PTBP1: variants seen among roughly 807,000 people sequenced by gnomAD.
PTBP1 encodes the protein polypyrimidine tract-binding protein 1.
In PTBP1, 8 loss-of-function variants were observed where a neutral mutation model predicts 59.8. That is an observed-to-expected ratio of 0.13 (90% CI 0.08 to 0.24). PTBP1 has a LOEUF of 0.24. Among genes scored for constraint, PTBP1 ranks in the 10% least tolerant of loss-of-function variants. PTBP1 has a pLI of 1.00. For synonymous variants in PTBP1, 490 were observed against 320.7 expected (o/e 1.53, Z -5.64); for missense variants, 686 against 767.0 (o/e 0.89, Z 1.25).
At chr19:806,202 T>G (rs1383906236) in intron 9 of PTBP1, 16 of 510,844 alleles carry the variant, frequency 3.1e-5, no homozygotes, top group Non-Finnish European at 5.4e-5. Context: ...GCCCGTGCTG[T>G]GAGGAGAGGC....
intron 2 of PTBP1, 108 bp from the exon 3 acceptor site, chr19:803,453 G>C: frequency 1.1e-6 from 1 of 872,840 alleles, no homozygotes; most frequent in Non-Finnish European, 1.9e-6. Flanking sequence ...GGTATGGGTT[G>C]GGGGTCTGGG....
chr19:797,466 A>G lies in PTBP1; in HGVS notation c.-32A>G, dbSNP rs753578445. ...CGGTTCCTGCTATTCCGGCGCCTCC[A>G]CTCCGTCCCCCGCGGGTCTGCTCTG... On this transcript the variant is annotated 5_prime_UTR_variant, in exon 1 of 15. Coordinates refer to ENST00000356948, the MANE Select transcript of PTBP1 (RefSeq NM_002819.5). The G allele has an allele frequency of 1.3e-6, 2 of 1,595,654 alleles. No individual in the cohort carries two copies. Among genetic ancestry groups the G allele is most frequent in the East Asian group, 2.3e-5 (1 of 43,618 alleles).
At chr19:809,625 C>A (rs2145034637) in intron 13 of PTBP1, among the ~76,000 whole-genome samples, 1 of 152,278 alleles carries the variant, frequency 6.6e-6, no homozygotes, top group South Asian at 2.1e-4. Context: ...TGGCCTAATG[C>A]ACACCTTTAT....
intron 10 of PTBP1, chr19:807,551 C>A: frequency 2.7e-6 from 1 of 372,208 alleles, no homozygotes. Context: ...TTTCTTTTCT[C>A]CCCTTCCCCT....
At position 811,562 on chromosome 19, in the gene PTBP1, T is replaced by TTA. The variant is rs1332234644; in HGVS notation, c.*736_*737insTA. On this transcript the variant is annotated 3_prime_UTR_variant, in exon 15 of 15. Coordinates refer to ENST00000356948, the MANE Select transcript of PTBP1 (RefSeq NM_002819.5). ...AACTTTTTATAGCAAGATGATACAA[T>TTA]GGTATGAGTGTAATCTAAACTTCCT... 6.6e-6 allele frequency: 1 copy of TTA among 152,456 alleles called. No homozygotes were observed. Among genetic ancestry groups the TTA allele is most frequent in the Admixed American group, 6.5e-5 (1 of 15,286 alleles). 9.4% of individuals were successfully genotyped at this position (152,456 alleles called of 1,614,324 possible).
chr19:808,213 G>T lies in PTBP1; in HGVS notation c.1154-147G>T. The T allele has an allele frequency of 1.4e-6, 1 of 699,016 alleles. No homozygotes were observed. 43.3% of individuals were successfully genotyped at this position (699,016 alleles called of 1,614,324 possible). A position where few individuals can be genotyped will look rare whatever the true frequency, so the allele number is the denominator to read the frequency against. ...GCTGCTCCTGTTAGCGCGCCCTGTG[G>T]CTGCGAGACGCAGCTCCGCAGTGGC... On this transcript the variant is annotated intron_variant, in intron 11 of 14. Transcript: ENST00000356948. This position sits in a 1 kb window ranked among gnomAD's most constrained non-coding sequence, Gnocchi z 4.7.
Position 805,021 on chromosome 19 carries a change from C to T in PTBP1, c.726C>T (p.Asp242=), listed in dbSNP as rs754600468. 35 of 1,613,462 alleles carry T rather than the reference C, an allele frequency of 2.2e-5. No individual in the cohort carries two copies. The highest frequency in any genetic ancestry group is 2.1e-4 in the African/African-American group (16 of 74,906). ...VSAQHAKLSL[D]GQNIYNACCT... Reference sequence around the variant, plus strand: ...GGTCCCTCTCCCCTCAGTCGCTGGACGGGCAGAACATCTACAACGCCTGCT... The same window carrying T: ...GGTCCCTCTCCCCTCAGTCGCTGGATGGGCAGAACATCTACAACGCCTGCT... Residue 242 remains aspartate, a synonymous_variant, in exon 8 of 15, where the codon GAC becomes GAT. Coordinates refer to ENST00000356948, the MANE Select transcript of PTBP1 (RefSeq NM_002819.5).
rs1309724516 is a variant in PTBP1, at chr19:804,474, G to T, written c.435+36G>T. On this transcript the variant is annotated intron_variant, in intron 5 of 14. Transcript: ENST00000356948. ...CCGCGGCGGACCCCAGCAGCCCGGG[G>T]ACCTCGGGGGTGGGCCCAGCCGCAG... The T allele has an allele frequency of 1.9e-6, 3 of 1,598,404 alleles. No homozygotes were observed. The African/African-American group carries it at 4.0e-5, about 21-fold the overall frequency.
At chr19:800,282 C>T (rs1319492569) in intron 2 of PTBP1, among the ~76,000 whole-genome samples, 1 of 151,954 alleles carries the variant, frequency 6.6e-6, no homozygotes, top group African/African-American at 2.4e-5. Flanking sequence ...AGCAAACTGT[C>T]AAAGGTGGTG....
intron 2 of PTBP1, among the ~76,000 whole-genome samples, chr19:801,597 T>TG (rs1322076863): frequency 6.6e-6 from 1 of 152,200 alleles, no homozygotes; most frequent in African/African-American, 2.4e-5. Context: ...CTCTCCAGCT[T>TG]GGGGGAGGAC....
chr19:806,906 C>T (rs780796505), intron 10 of PTBP1: 1 of 199,394 alleles, frequency 5.0e-6, no homozygotes, highest in Non-Finnish European at 1.0e-5. Context: ...GTTAGCGCGG[C>T]GGGGTGTGGG....
Position 808,485 on chromosome 19 carries a change from G to T in PTBP1, c.1246+33G>T. ...GCCGGGGCGGCCCCGGGGTGGAGGG[G>T]GCAGGGGCGGGGGCTGCGTTCCCTC... is the stretch of plus-strand genomic sequence containing the variant. On this transcript the variant is annotated intron_variant, in intron 12 of 14. Coordinates refer to ENST00000356948, the MANE Select transcript of PTBP1 (RefSeq NM_002819.5). The surrounding 1 kb of genome is among the most constrained non-coding windows in gnomAD (Gnocchi z 4.7). 3.2e-6 allele frequency: 5 copies of T among 1,561,596 alleles called. No individual in the cohort carries two copies. Among genetic ancestry groups the T allele is most frequent in the Non-Finnish European group, 4.3e-6 (5 of 1,154,344 alleles).
intron 1 of PTBP1, among the ~76,000 whole-genome samples, chr19:799,005 C>T (rs1018875521): frequency 6.6e-6 from 1 of 152,260 alleles, no homozygotes; most frequent in Non-Finnish European, 1.5e-5. Flanking sequence ...CTGGCCCAGG[C>T]CTGTGAGTTT....
chr19:800,101 ATTTT>A (rs35076364), intron 2 of PTBP1, among the ~76,000 whole-genome samples: 25 of 131,478 alleles, frequency 1.9e-4, no homozygotes, highest in Admixed American at 7.8e-4. Flanking sequence ...TAATTTTTGT[ATTTT>A]TTTTTTTTTT....
At position 808,296 on chromosome 19, in the gene PTBP1, G is replaced by T. The variant is rs1191041178; in HGVS notation, c.1154-64G>T. The T allele has an allele frequency of 7.3e-7, 1 of 1,372,252 alleles. No homozygotes were observed. The highest frequency in any genetic ancestry group is 1.0e-6 in the Non-Finnish European group (1 of 985,860). 85.0% of individuals were successfully genotyped at this position (1,372,252 alleles called of 1,614,324 possible). A position where few individuals can be genotyped will look rare whatever the true frequency, so the allele number is the denominator to read the frequency against. On this transcript the variant is annotated intron_variant, in intron 11 of 14. Coordinates refer to ENST00000356948, the MANE Select transcript of PTBP1 (RefSeq NM_002819.5). This position sits in a 1 kb window ranked among gnomAD's most constrained non-coding sequence, Gnocchi z 4.7. The stretch of plus-strand genomic sequence containing the variant: ...CCTTGTGGGGGTGCGCGGGGCCGGG[G>T]CTGACGGGGAGATGGGCGGGGCAGG...
rs1291360454 is a variant in PTBP1, at chr19:812,292, GAATA to G, written c.*1470_*1473del. 1.3e-5 allele frequency: 2 copies of G among 157,120 alleles called. No individual in the cohort carries two copies. The highest frequency in any genetic ancestry group is 4.8e-5 in the African/African-American group (2 of 41,530). The allele number at this position is 157,120 out of a possible 1,614,324, so 9.7% of individuals were successfully genotyped here. The stretch of plus-strand genomic sequence containing the variant: ...GTTGGCCAGTCTGTACCTGGACTTC[GAATA>G]AATCTTCTGTATCCTCGCTCCGTTC... On this transcript the variant is annotated 3_prime_UTR_variant, in exon 15 of 15. Coordinates refer to ENST00000356948, the MANE Select transcript of PTBP1 (RefSeq NM_002819.5).
rs77378093 is a variant in PTBP1, at chr19:800,518, C to T, written c.39+1075C>T. 3.3e-5 allele frequency among the ~76,000 whole-genome samples: 5 copies of T among 152,256 alleles called. 1 individual carries two copies. In the East Asian group the frequency reaches 9.7e-4, roughly 29 times the overall value. ...TGTGGGTTGAGGGGGCTCCCGACTTCAGGGCTTGTGCCCCGAGAGCCTCCC... is the reference window on the plus strand; with the variant it reads ...TGTGGGTTGAGGGGGCTCCCGACTTTAGGGCTTGTGCCCCGAGAGCCTCCC... On this transcript the variant is annotated intron_variant, in intron 2 of 14. Coordinates refer to ENST00000356948, the MANE Select transcript of PTBP1 (RefSeq NM_002819.5).
intron 2 of PTBP1, among the ~76,000 whole-genome samples, chr19:802,499 G>A (rs907519549): frequency 3.9e-5 from 6 of 152,060 alleles, no homozygotes; most frequent in Admixed American, 3.3e-4. Flanking sequence ...TTTCTGATGC[G>A]ATGGCCCTGG....
In PTBP1 at chr19:799,525, G is replaced by A. The variant is rs78746929; in HGVS notation, c.39+82G>A. 3,138 of 1,400,698 alleles carry A rather than the reference G, an allele frequency of 2.2e-3. 71 individuals carry two copies. The African/African-American group carries it at 0.041, about 18-fold the overall frequency. The allele number at this position is 1,400,698 out of a possible 1,614,324, so 86.8% of individuals were successfully genotyped here. A position where few individuals can be genotyped will look rare whatever the true frequency, so the allele number is the denominator to read the frequency against. ...GGGGGCCACCCCCCAGCGCTGTTGC[G>A]TTGGCTAGAGGGCGCTTTTCCATTC... is the stretch of plus-strand genomic sequence containing the variant. On this transcript the variant is annotated intron_variant, in intron 2 of 14. Transcript: ENST00000356948.
Sources: allele counts gnomAD v4.1 joint callset (sites outside exome capture counted in the v4.1 genomes callset), GRCh38; gene constraint gnomAD v4.1.1; non-coding constraint Gnocchi (gnomAD v3.1); transcripts MANE v1.5; gene names NCBI Gene and HGNC (gene_info 2026-07-23, HGNC 2026-07-21).